The following STAC variants were observed in gnomAD, a reference collection of about 807,000 sequenced individuals.
The protein encoded by STAC is SH3 and cysteine rich domain.
Under a neutral mutation model 48.8 loss-of-function variants are expected in STAC, and 43 were observed. The observed-to-expected ratio is 0.88, with a 90% confidence interval of 0.69 to 1.14. STAC has a LOEUF of 1.14. Ranked by LOEUF, STAC falls within the 50% of genes most tolerant of loss-of-function variation. The pLI is 0.00. For synonymous variants in STAC, 193 were observed against 179.5 expected (o/e 1.07, Z -0.60); for missense variants, 497 against 504.0 (o/e 0.99, Z 0.13).
intron 5 of STAC, among the ~76,000 whole-genome samples, chr3:36,489,653 T>A (rs1697913395): frequency 6.6e-6 from 1 of 152,236 alleles, no homozygotes; most frequent in South Asian, 2.1e-4. Context: ...TATTCACAGC[T>A]TTGTGTTTTC....
intron 1 of STAC, among the ~76,000 whole-genome samples, chr3:36,393,512 A>G (rs1575171458): frequency 6.6e-6 from 1 of 152,096 alleles, no homozygotes; most frequent in Middle Eastern, 3.4e-3. Context: ...ACTGACTGCT[A>G]TGGGCTGAAT....
chr3:36,395,733 C>T (rs993811726), intron 1 of STAC, among the ~76,000 whole-genome samples: 5 of 152,278 alleles, frequency 3.3e-5, no homozygotes, highest in African/African-American at 9.6e-5. Context: ...AGTCTCACTG[C>T]TTATGGAAGC....
intron 10 of STAC, among the ~76,000 whole-genome samples, chr3:36,545,439 G>A (rs1392334297): frequency 6.6e-6 from 1 of 152,186 alleles, no homozygotes; most frequent in Admixed American, 6.5e-5. Flanking sequence ...GGAACCCTGT[G>A]TCAGGTTCTG....
chr3:36,511,414 C>T (rs1216274261), intron 8 of STAC, among the ~76,000 whole-genome samples: 2 of 152,186 alleles, frequency 1.3e-5, no homozygotes, highest in African/African-American at 2.4e-5. Context: ...GAAAAGACTT[C>T]TGCTTCCATG....
chr3:36,422,401 T>G (rs73059998), intron 1 of STAC, among the ~76,000 whole-genome samples: 3,535 of 152,254 alleles, frequency 0.023, 60 homozygotes, highest in East Asian at 0.026. Flanking sequence ...ATAAGCAAAT[T>G]ATAAGCCTTC....
intron 1 of STAC, among the ~76,000 whole-genome samples, chr3:36,415,819 ATT>A (rs79548850): frequency 0.023 from 3,535 of 152,310 alleles, 59 homozygotes; most frequent in East Asian, 0.026. Context: ...AAGGAATCCA[ATT>A]TGTCCTAAAC....
chr3:36,537,782 TTAAC>T (rs1699232987), intron 10 of STAC, among the ~76,000 whole-genome samples: 1 of 151,872 alleles, frequency 6.6e-6, no homozygotes, highest in Non-Finnish European at 1.5e-5. Flanking sequence ...CTTAGGAAAA[TTAAC>T]TAAGTCCATA....
At chr3:36,541,830 C>T (rs1425900418) in intron 10 of STAC, among the ~76,000 whole-genome samples, 2 of 152,142 alleles carry the variant, frequency 1.3e-5, no homozygotes, top group Non-Finnish European at 2.9e-5. Context: ...ATGTGAGGTG[C>T]CTCTGCTCTG....
chr3:36,395,610 T>C (rs1311892449), intron 1 of STAC, among the ~76,000 whole-genome samples: 2 of 152,072 alleles, frequency 1.3e-5, no homozygotes, highest in African/African-American at 4.8e-5. Context: ...ACAAGGAAAA[T>C]TCCAATGGTG....
chr3:36,521,202 T>C (rs547707518), intron 8 of STAC, among the ~76,000 whole-genome samples: 2 of 152,080 alleles, frequency 1.3e-5, no homozygotes, highest in East Asian at 3.9e-4. Flanking sequence ...TTTTGCCTAA[T>C]GAATGAGAAA....
chr3:36,446,824 C>T (rs1319164305), intron 2 of STAC, among the ~76,000 whole-genome samples: 9 of 152,162 alleles, frequency 5.9e-5, no homozygotes, highest in African/African-American at 1.9e-4. Context: ...TAAATGGAGT[C>T]GTATTTCCTA....
chr3:36,395,339 A>T (rs952319153), intron 1 of STAC, among the ~76,000 whole-genome samples: 6 of 152,206 alleles, frequency 3.9e-5, no homozygotes, highest in Non-Finnish European at 2.9e-5. Flanking sequence ...GGGAGCACCT[A>T]AAGCCAGGGA....
intron 1 of STAC, among the ~76,000 whole-genome samples, chr3:36,391,090 T>C (rs567748780): frequency 2.0e-5 from 3 of 152,300 alleles, no homozygotes; most frequent in African/African-American, 7.2e-5. Flanking sequence ...TACCCTCTTT[T>C]ATACTTCTCT....
rs549249635 is a variant in STAC, at chr3:36,410,805, T to G, written c.111+30051T>G. 1.7e-4 allele frequency among the ~76,000 whole-genome samples: 26 copies of G among 152,360 alleles called. No individual in the cohort carries two copies. In the South Asian group the frequency reaches 5.2e-3, roughly 30 times the overall value. ...TTCCTGATTGATCTTTGTCTTTATC[T>G]TCAAATATTATATGTCTCATAATCC... On this transcript the variant is annotated intron_variant, in intron 1 of 10. Transcript: ENST00000273183.
intron 1 of STAC, among the ~76,000 whole-genome samples, chr3:36,388,991 AAAC>A (rs1264944903): frequency 6.6e-6 from 1 of 152,192 alleles, no homozygotes; most frequent in Non-Finnish European, 1.5e-5. Flanking sequence ...CAAATTATAA[AAAC>A]AATATTTTGA....
At chr3:36,448,452 C>A (rs1696582608) in intron 2 of STAC, among the ~76,000 whole-genome samples, 1 of 152,070 alleles carries the variant, frequency 6.6e-6, no homozygotes, top group African/African-American at 2.4e-5. Context: ...AACTCCTGAC[C>A]TCAAGTGATC....
chr3:36,488,312 T>C (rs1697871100), intron 5 of STAC, among the ~76,000 whole-genome samples: 1 of 152,172 alleles, frequency 6.6e-6, no homozygotes, highest in Non-Finnish European at 1.5e-5. Context: ...AAGGAAGTAA[T>C]CCATTAACAA....
At chr3:36,516,082 C>G (rs1698667417) in intron 8 of STAC, among the ~76,000 whole-genome samples, 1 of 139,122 alleles carries the variant, frequency 7.2e-6, no homozygotes, top group Non-Finnish European at 1.5e-5. Context: ...CTCCCAGGTT[C>G]AAGTGATTCT....
intron 1 of STAC, among the ~76,000 whole-genome samples, chr3:36,422,929 A>G (rs553475094): frequency 6.6e-6 from 1 of 152,300 alleles, no homozygotes; most frequent in Admixed American, 6.5e-5. Flanking sequence ...ATAAGCTGCT[A>G]TAACAAAGAA....
Sources: gnomAD v4.1 joint callset for allele counts (sites outside exome capture counted in the v4.1 genomes callset) on GRCh38, gnomAD v4.1.1 for gene constraint, MANE v1.5 for transcripts, NCBI Gene and HGNC (gene_info 2026-07-23, HGNC 2026-07-21) for gene names.